Variants in JMY observed in about 807,000 individuals in gnomAD.
JMY encodes the protein junction-mediating and -regulatory protein.
Under a neutral mutation model 103.3 loss-of-function variants are expected in JMY, and 46 were observed. That is an observed-to-expected ratio of 0.45 (90% CI 0.35 to 0.57). The LOEUF is 0.57. Ranked by LOEUF, JMY falls within the 20% of genes least tolerant of loss-of-function variation. JMY has a pLI of 0.00. For synonymous variants in JMY, 526 were observed against 489.3 expected, an observed-to-expected ratio of 1.07 and a Z score of -0.99; for missense variants, 1,238 against 1,255.2, an observed-to-expected ratio of 0.99 and a Z score of 0.21.
intron 4 of JMY, among the ~76,000 whole-genome samples, chr5:79,297,579 C>A (rs559880375): frequency 1.3e-5 from 2 of 152,326 alleles, no homozygotes; most frequent in East Asian, 3.9e-4. Context: ...ATTAGATAGA[C>A]CTCAGAGTAT....
chr5:79,266,084 CT>C (rs1420895744), intron 1 of JMY, among the ~76,000 whole-genome samples: 12 of 151,986 alleles, frequency 7.9e-5, no homozygotes, highest in African/African-American at 2.7e-4. Flanking sequence ...GCCTGGCCAA[CT>C]TTTCTTAGCT....
intron 2 of JMY, among the ~76,000 whole-genome samples, chr5:79,279,901 T>TGGCATGATCTCAGCTCAC (rs1308841173): frequency 6.6e-6 from 1 of 152,202 alleles, no homozygotes; most frequent in African/African-American, 2.4e-5. Flanking sequence ...TGGAGTACAG[T>TGGCATGATCTCAGCTCAC]GGCATGATCT....
At chr5:79,261,176 A>G (rs189477802) in intron 1 of JMY, among the ~76,000 whole-genome samples, 67 of 152,250 alleles carry the variant, frequency 4.4e-4, no homozygotes, top group Middle Eastern at 3.4e-3. Context: ...TGCTTCCGCC[A>G]TATTTTGCCC....
chr5:79,241,842 A>C (rs746537633), intron 1 of JMY, among the ~76,000 whole-genome samples: 63 of 152,326 alleles, frequency 4.1e-4, no homozygotes, highest in Middle Eastern at 6.8e-3. Flanking sequence ...ATCAGTCCTT[A>C]AATGAATGCA....
intron 2 of JMY, among the ~76,000 whole-genome samples, chr5:79,278,585 C>CAAAAAAAAAAAAAAA (rs34278536): frequency 1.4e-4 from 8 of 57,282 alleles, no homozygotes; most frequent in Non-Finnish European, 2.4e-4. Flanking sequence ...CCCGTCTCTA[C>CAAAAAAAAAAAAAAA]AAAAAAAAAA....
rs953472808 is a variant in JMY at position 79,324,150 on chromosome 5, C to T, written c.*2548C>T. The T allele has an allele frequency of 3.2e-4, 49 of 152,122 alleles. No homozygotes were observed. The highest frequency in any genetic ancestry group is 1.2e-3 in the African/African-American group (49 of 41,422). 9.4% of individuals were successfully genotyped at this position (152,122 alleles called of 1,614,324 possible). A position where few individuals can be genotyped will look rare whatever the true frequency, so the allele number is the denominator to read the frequency against. ...TACTTGTCCATCAAGATGACATTAC[C>T]AGTGGAACCCACCTGTTAATTTTAA... On this transcript the variant is annotated 3_prime_UTR_variant, in exon 11 of 11. Coordinates refer to ENST00000396137, the MANE Select transcript of JMY (RefSeq NM_152405.5).
At chr5:79,269,603 T>A (rs1745682249) in intron 1 of JMY, among the ~76,000 whole-genome samples, 1 of 152,222 alleles carries the variant, frequency 6.6e-6, no homozygotes, top group African/African-American at 2.4e-5. Context: ...TTTGATTTCC[T>A]TTGTCAGAGT....
intron 1 of JMY, among the ~76,000 whole-genome samples, chr5:79,277,144 T>A (rs1745965102): frequency 1.3e-5 from 2 of 152,134 alleles, no homozygotes; most frequent in Admixed American, 6.5e-5. Flanking sequence ...TTTATAAAAT[T>A]TAAATTATTT....
chr5:79,278,181 A>G, intron 2 of JMY, 98 bp downstream of exon 2: 1 of 1,030,264 alleles, frequency 9.7e-7, no homozygotes, highest in African/African-American at 1.6e-5. Flanking sequence ...AAAAAAAAAA[A>G]AAAAAAGAAG....
rs566575116 is a variant in JMY, at chr5:79,308,710, ACTT to A, written c.1968+2256_1968+2258del. Among the ~76,000 whole-genome samples the A allele has an allele frequency of 3.7e-3, 566 of 152,110 alleles. 2 individuals carry two copies. The highest frequency in any genetic ancestry group is 6.2e-3 in the Non-Finnish European group (419 of 67,982). Reference sequence around the variant, plus strand: ...TTTTTTGTTTTTTTCATTTTAAAATACTTCTTCTTTTAGTTTTTTTGCTTTTTA... The same window carrying A: ...TTTTTTGTTTTTTTCATTTTAAAATACTTCTTTTAGTTTTTTTGCTTTTTA... On this transcript the variant is annotated intron_variant, in intron 7 of 10. Transcript: ENST00000396137.
intron 1 of JMY, among the ~76,000 whole-genome samples, chr5:79,269,848 C>G (rs975987136): frequency 3.3e-5 from 5 of 151,982 alleles, no homozygotes; most frequent in African/African-American, 1.2e-4. Flanking sequence ...CTGCCTCAGC[C>G]TCTGCAGTAG....
rs1397351393 is a variant in JMY at position 79,312,224 on chromosome 5, G to C, written c.1969-179G>C. On this transcript the variant is annotated intron_variant, in intron 7 of 10. Coordinates refer to ENST00000396137, the MANE Select transcript of JMY (RefSeq NM_152405.5). ...GTATTAAAAATATTTCATGTTTCAT[G>C]CTTTCATATTTCATGTTTCATGAAG... 2.6e-5 allele frequency among the ~76,000 whole-genome samples: 4 copies of C among 152,132 alleles called. No individual in the cohort carries two copies. The East Asian group carries it at 7.7e-4, about 29-fold the overall frequency.
At chr5:79,240,345 C>G (rs1292688385) in intron 1 of JMY, among the ~76,000 whole-genome samples, 1 of 151,558 alleles carries the variant, frequency 6.6e-6, no homozygotes, top group Non-Finnish European at 1.5e-5. Context: ...GAGTTTTGCA[C>G]TATTGCCCAG....
chr5:79,245,575 C>G (rs565386716), intron 1 of JMY, among the ~76,000 whole-genome samples: 1 of 152,068 alleles, frequency 6.6e-6, no homozygotes, highest in African/African-American at 2.4e-5. Flanking sequence ...TTTTAAAGGA[C>G]CCACAGCAGT....
chr5:79,277,825 C>A, intron 1 of JMY, 85 bp from the exon 2 acceptor site: 1 of 1,268,304 alleles, frequency 7.9e-7, no homozygotes, highest in Non-Finnish European at 1.1e-6. Context: ...TTCCGAGGTC[C>A]TGGCATGATA....
At chr5:79,248,049 C>T (rs1283975657) in intron 1 of JMY, among the ~76,000 whole-genome samples, 6 of 151,828 alleles carry the variant, frequency 4.0e-5, no homozygotes, top group African/African-American at 7.3e-5. Context: ...CACACCACCA[C>T]ACCTGGCTAA....
chr5:79,257,334 G>T (rs558956183), intron 1 of JMY, among the ~76,000 whole-genome samples: 46 of 152,236 alleles, frequency 3.0e-4, no homozygotes, highest in Middle Eastern at 3.4e-3. Flanking sequence ...TGGACATGGT[G>T]GCTCATGTCT....
In JMY at chr5:79,272,174, A is replaced by G. The variant is rs79780966; in HGVS notation, c.1033-5736A>G. 7.0e-3 allele frequency among the ~76,000 whole-genome samples: 1,049 copies of G among 150,766 alleles called. 21 individuals carry two copies. The highest frequency in any genetic ancestry group is 0.025 in the African/African-American group (1,018 of 41,226). On this transcript the variant is annotated intron_variant, in intron 1 of 10. Coordinates refer to ENST00000396137, the MANE Select transcript of JMY (RefSeq NM_152405.5). The stretch of plus-strand genomic sequence containing the variant: ...AGTAATACTCTATATCTTACAGTCT[A>G]TCTACTCTTTGATATTAAAATAGTC...
intron 1 of JMY, among the ~76,000 whole-genome samples, chr5:79,247,138 A>C (rs1000016266): frequency 1.6e-4 from 24 of 152,218 alleles, no homozygotes; most frequent in Admixed American, 1.6e-3. Context: ...TGATAAATTT[A>C]AATGTTGTCC....
Sources: allele counts gnomAD v4.1 joint callset (sites outside exome capture counted in the v4.1 genomes callset), GRCh38; gene constraint gnomAD v4.1.1; transcripts MANE v1.5; gene names NCBI Gene and HGNC (gene_info 2026-07-23, HGNC 2026-07-21).